Variants in KLHL1 observed in about 807,000 individuals in gnomAD.
KLHL1 encodes kelch-like protein 1.
In KLHL1, 47 loss-of-function variants were observed where a neutral mutation model predicts 77.7. The ratio of observed to expected loss-of-function variants is 0.60; its 90% CI spans 0.48 to 0.77. The LOEUF (loss-of-function observed/expected upper bound fraction) is 0.77, where lower values mean the gene tolerates loss of function less well. Among genes scored for constraint, KLHL1 ranks in the 30% least tolerant of loss-of-function variants. The pLI, the probability that KLHL1 is intolerant of heterozygous loss-of-function variation, is 0.00. For missense variants in KLHL1, 925 were observed against 910.8 expected, an observed-to-expected ratio of 1.02 and a Z score of -0.20; for synonymous variants, 360 against 325.2, an observed-to-expected ratio of 1.11 and a Z score of -1.15.
Position 69,902,733 on chromosome 13 carries a change from C to T in KLHL1, c.1015-20238G>A, listed in dbSNP as rs144082469. On this transcript the variant is annotated intron_variant, in intron 4 of 10. Transcript: ENST00000377844. Reference sequence around the variant, plus strand: ...GAACACACAGACAGAGGAAGGGGAACATCACATATCGGGGTCTGTTGTAGG... The same window carrying T: ...GAACACACAGACAGAGGAAGGGGAATATCACATATCGGGGTCTGTTGTAGG... Among the ~76,000 whole-genome samples the T allele has an allele frequency of 9.1e-3, 1,175 of 129,740 alleles. 18 individuals carry two copies. The highest frequency in any genetic ancestry group is 0.034 in the African/African-American group (1,137 of 33,598). 85.1% of individuals were successfully genotyped at this position (129,740 alleles called of 152,430 possible).
At chr13:69,971,567 A>G (rs758350836) in intron 2 of KLHL1, among the ~76,000 whole-genome samples, 3 of 151,994 alleles carry the variant, frequency 2.0e-5, no homozygotes, top group Non-Finnish European at 2.9e-5. Context: ...TAGTATCTCT[A>G]CTTAAAATAG....
At chr13:70,054,907 A>G (rs964527164) in intron 1 of KLHL1, among the ~76,000 whole-genome samples, 3 of 152,072 alleles carry the variant, frequency 2.0e-5, no homozygotes, top group African/African-American at 7.2e-5. Context: ...AATGAAAAAA[A>G]GGAAATACAT....
At chr13:70,078,922 A>G (rs1169816221) in intron 1 of KLHL1, among the ~76,000 whole-genome samples, 7 of 152,178 alleles carry the variant, frequency 4.6e-5, no homozygotes, top group African/African-American at 1.7e-4. Context: ...AAAATGATCT[A>G]TCTCAAGGCA....
intron 7 of KLHL1, among the ~76,000 whole-genome samples, chr13:69,782,291 C>T (rs1166680024): frequency 1.3e-5 from 2 of 152,220 alleles, no homozygotes; most frequent in African/African-American, 4.8e-5. Flanking sequence ...GTTCATCTCA[C>T]TAGGGAGTGC....
chr13:70,072,621 G>A (rs1887162191), intron 1 of KLHL1, among the ~76,000 whole-genome samples: 1 of 151,978 alleles, frequency 6.6e-6, no homozygotes, highest in Admixed American at 6.6e-5. Context: ...TCCCAGGCAT[G>A]CAAAGATGCT....
intron 4 of KLHL1, among the ~76,000 whole-genome samples, chr13:69,907,969 C>A (rs1314139013): frequency 3.3e-5 from 5 of 151,892 alleles, no homozygotes; most frequent in Non-Finnish European, 7.4e-5. Context: ...GCATAAGTTA[C>A]CATGTAGATA....
intron 4 of KLHL1, among the ~76,000 whole-genome samples, chr13:69,912,823 A>C (rs1282268282): frequency 1.3e-5 from 2 of 152,116 alleles, no homozygotes; most frequent in South Asian, 2.1e-4. Flanking sequence ...AAGAGGCCCC[A>C]TGCTGCTTGA....
intron 2 of KLHL1, among the ~76,000 whole-genome samples, chr13:69,963,179 C>T (rs1296320864): frequency 6.6e-6 from 1 of 150,682 alleles, no homozygotes; most frequent in Admixed American, 6.7e-5. Flanking sequence ...CTGCCTTCCT[C>T]AGCCTCCTGT....
chr13:70,051,188 TTTC>T (rs759969970), intron 1 of KLHL1, among the ~76,000 whole-genome samples: 2 of 152,010 alleles, frequency 1.3e-5, no homozygotes. Context: ...CTTGTAAATT[TTTC>T]TTAATATTGT....
rs116772021 is a variant in KLHL1, at chr13:69,967,416, A to G, written c.681-5972T>C. Among the ~76,000 whole-genome samples the G allele has an allele frequency of 3.8e-3, 582 of 152,304 alleles. 3 individuals carry two copies. Among genetic ancestry groups the G allele is most frequent in the African/African-American group, 0.013 (536 of 41,580 alleles). ...ACTAGAAGTAACCTCTAACCAAAGA[A>G]TTAGAATTAGAAGTGGAATCTGAAG... On this transcript the variant is annotated intron_variant, in intron 2 of 10. Coordinates refer to ENST00000377844, the MANE Select transcript of KLHL1 (RefSeq NM_020866.3).
intron 7 of KLHL1, among the ~76,000 whole-genome samples, chr13:69,767,773 T>A (rs919291449): frequency 6.6e-5 from 10 of 152,168 alleles, no homozygotes; most frequent in African/African-American, 1.9e-4. Context: ...TAATTCAATT[T>A]ACTACCTCCA....
chr13:69,750,019 G>A (rs1874404230), intron 7 of KLHL1, among the ~76,000 whole-genome samples: 1 of 151,524 alleles, frequency 6.6e-6, no homozygotes, highest in East Asian at 1.9e-4. Context: ...AAAAGCATTA[G>A]CCTGTAAAAT....
At chr13:70,076,809 A>G (rs1262328958) in intron 1 of KLHL1, among the ~76,000 whole-genome samples, 1 of 151,972 alleles carries the variant, frequency 6.6e-6, no homozygotes, top group Non-Finnish European at 1.5e-5. Context: ...GAAACAACTC[A>G]GTTAAAAAGT....
At chr13:69,758,203 A>T (rs1874855949) in intron 7 of KLHL1, among the ~76,000 whole-genome samples, 1 of 152,134 alleles carries the variant, frequency 6.6e-6, no homozygotes, top group Middle Eastern at 3.4e-3. Context: ...ATCTCTTATT[A>T]ATGATGATAT....
intron 7 of KLHL1, among the ~76,000 whole-genome samples, chr13:69,775,482 T>C (rs1487377346): frequency 1.3e-5 from 2 of 152,170 alleles, no homozygotes; most frequent in African/African-American, 2.4e-5. Flanking sequence ...TGATTTTCTA[T>C]ATATGACAAT....
intron 1 of KLHL1, among the ~76,000 whole-genome samples, chr13:70,091,426 T>A (rs1362292403): frequency 2.0e-5 from 3 of 152,138 alleles, no homozygotes; most frequent in African/African-American, 7.2e-5. Context: ...ACATAACTCA[T>A]GTGTTGTTCT....
chr13:70,006,351 T>C (rs1885404049), intron 1 of KLHL1, among the ~76,000 whole-genome samples: 1 of 152,046 alleles, frequency 6.6e-6, no homozygotes, highest in Non-Finnish European at 1.5e-5. Context: ...TTTATTCTGT[T>C]ATTGAATTTG....
At chr13:70,003,303 A>G (rs1340840021) in intron 1 of KLHL1, among the ~76,000 whole-genome samples, 1 of 151,744 alleles carries the variant, frequency 6.6e-6, no homozygotes, top group Non-Finnish European at 1.5e-5. Context: ...GGGAAAATGT[A>G]AAAGAGTCAG....
chr13:69,916,231 C>T (rs1882430887), intron 4 of KLHL1, among the ~76,000 whole-genome samples: 1 of 152,066 alleles, frequency 6.6e-6, no homozygotes, highest in South Asian at 2.1e-4. Context: ...CCAGCCATCC[C>T]ATTACTGGGT....
Sources: allele counts gnomAD v4.1 joint callset (sites outside exome capture counted in the v4.1 genomes callset), GRCh38; gene constraint gnomAD v4.1.1; transcripts MANE v1.5; gene names NCBI Gene and HGNC (gene_info 2026-07-23, HGNC 2026-07-21).